The following THSD7B variants were observed in gnomAD, a reference collection of about 807,000 sequenced individuals.
THSD7B encodes thrombospondin type 1 domain containing 7B.
THSD7B carries 138 observed loss-of-function variants against 213.6 expected under a neutral mutation model. The observed-to-expected ratio is 0.65, with a 90% CI of 0.56 to 0.74. The LOEUF (loss-of-function observed/expected upper bound fraction) is 0.74. Ranked by LOEUF, THSD7B falls within the 30% of genes least tolerant of loss-of-function variation. The pLI, the probability that THSD7B is intolerant of heterozygous loss-of-function variation, is 0.00. For missense variants in THSD7B, 1,931 were observed against 1,991.5 expected (o/e 0.97, Z 0.58); for synonymous variants, 742 against 687.0 (o/e 1.08, Z -1.25).
chr2:137,246,005 G>T (rs1682023674), intron 10 of THSD7B, among the ~76,000 whole-genome samples: 1 of 152,156 alleles, frequency 6.6e-6, no homozygotes, highest in South Asian at 2.1e-4. Flanking sequence ...TCTATGCGGG[G>T]TTGGGTTCAT....
chr2:136,863,371 T>A (rs1652433), intron 1 of THSD7B, among the ~76,000 whole-genome samples: 120,771 of 152,188 alleles, frequency 0.79, 48,215 homozygotes, highest in Middle Eastern at 0.94. Context: ...GAGCAGAACC[T>A]TGAGATTCTG....
chr2:136,968,900 A>G (rs1326748990), intron 2 of THSD7B, among the ~76,000 whole-genome samples: 5 of 152,148 alleles, frequency 3.3e-5, no homozygotes, highest in African/African-American at 1.2e-4. Context: ...GCATATAAAA[A>G]TTATGCAGCA....
At chr2:137,152,315 A>G (rs1034858092) in intron 5 of THSD7B, among the ~76,000 whole-genome samples, 3 of 152,080 alleles carry the variant, frequency 2.0e-5, no homozygotes, top group Non-Finnish European at 2.9e-5. Flanking sequence ...CTCATTTCAC[A>G]TATTTTTTGG....
At chr2:137,246,558 A>T (rs1019832368) in intron 10 of THSD7B, among the ~76,000 whole-genome samples, 5 of 152,184 alleles carry the variant, frequency 3.3e-5, no homozygotes, top group Non-Finnish European at 7.3e-5. Flanking sequence ...ACCTTAAAAC[A>T]TAAAGGTATT....
chr2:137,379,761 C>G (rs56379602), intron 12 of THSD7B, among the ~76,000 whole-genome samples: 13,988 of 152,150 alleles, frequency 0.092, 784 homozygotes, highest in Non-Finnish European at 0.12. Context: ...GGAGTTTGAT[C>G]CTCTAATGAG....
intron 15 of THSD7B, among the ~76,000 whole-genome samples, chr2:137,490,520 TAGC>T (rs1688581133): frequency 6.6e-6 from 1 of 152,184 alleles, no homozygotes. Context: ...ATTTCCCATA[TAGC>T]CTCAGCCCCT....
intron 1 of THSD7B, among the ~76,000 whole-genome samples, chr2:136,851,932 A>ACT (rs1156806588): frequency 6.1e-5 from 1 of 16,460 alleles, no homozygotes; most frequent in Non-Finnish European, 2.3e-4. Context: ...TCAATACACA[A>ACT]CTATATATAT....
At chr2:136,914,110 C>T (rs534481656) in intron 2 of THSD7B, among the ~76,000 whole-genome samples, 9 of 152,298 alleles carry the variant, frequency 5.9e-5, no homozygotes, top group East Asian at 1.9e-4. Flanking sequence ...CTTGCATCAG[C>T]GTAACCTGGA....
chr2:137,043,974 C>T (rs1346518741), intron 2 of THSD7B, among the ~76,000 whole-genome samples: 1 of 152,184 alleles, frequency 6.6e-6, no homozygotes, highest in Non-Finnish European at 1.5e-5. Flanking sequence ...CCCTTCAGAA[C>T]AATAATCTCA....
chr2:136,788,501 A>G (rs1195273182), intron 1 of THSD7B, among the ~76,000 whole-genome samples: 1 of 152,212 alleles, frequency 6.6e-6, no homozygotes, highest in African/African-American at 2.4e-5. Flanking sequence ...TAAATGTCAG[A>G]TGATGTATGT....
At chr2:137,378,129 TG>T (rs1244733339) in intron 12 of THSD7B, among the ~76,000 whole-genome samples, 5 of 152,162 alleles carry the variant, frequency 3.3e-5, no homozygotes, top group Non-Finnish European at 7.3e-5. Context: ...AGAGGATCAC[TG>T]ATCTATTAAA....
intron 2 of THSD7B, among the ~76,000 whole-genome samples, chr2:136,923,925 C>T (rs186581036): frequency 6.6e-6 from 1 of 152,242 alleles, no homozygotes; most frequent in African/African-American, 2.4e-5. Context: ...CTGTTGATTG[C>T]ATCCTTTGAA....
At chr2:137,572,180 A>G (rs1043077878) in intron 16 of THSD7B, among the ~76,000 whole-genome samples, 1 of 152,168 alleles carries the variant, frequency 6.6e-6, no homozygotes, top group Non-Finnish European at 1.5e-5. Context: ...CATTGCCTCT[A>G]GTCTTTCCAT....
rs373333312 is a variant in THSD7B at position 136,870,555 on chromosome 2, A to T, written c.-35-11589A>T. Among the ~76,000 whole-genome samples, 16 of 152,368 alleles carry T rather than the reference A, an allele frequency of 1.1e-4. No individual in the cohort carries two copies. In the East Asian group the frequency reaches 3.1e-3, roughly 29 times the overall value. On this transcript the variant is annotated intron_variant, in intron 1 of 27. Transcript: ENST00000409968. ...CTGTTGTAAGTGTTACCAACAAACA[A>T]CAAACTAAACATCTAGGGACAGAGT...
chr2:137,284,393 A>G (rs1486581326), intron 12 of THSD7B, among the ~76,000 whole-genome samples: 4 of 151,732 alleles, frequency 2.6e-5, no homozygotes, highest in Admixed American at 1.3e-4. Context: ...TTGTGTCTCT[A>G]TTTCCTTCAG....
chr2:137,170,751 G>A lies in THSD7B; in HGVS notation c.1536G>A (p.Thr512=), dbSNP rs867645142. 36 of 1,611,334 alleles carry A rather than the reference G, an allele frequency of 2.2e-5. 1 individual carries two copies. The highest frequency in any genetic ancestry group is 2.5e-5 in the Non-Finnish European group (30 of 1,178,360). ...HDPQGKKGFR[T]RQRHVLMEST... ...TCTCTCTCTTTTTAGGATTTAGAAC[G>A]AGGCAGCGCCATGTCCTCATGGAAT... The change falls in exon 7 of 28, where the codon ACG becomes ACA. Residue 512 remains threonine, a synonymous_variant. Transcript: ENST00000409968.
At chr2:136,904,991 A>G (rs1401182437) in intron 2 of THSD7B, among the ~76,000 whole-genome samples, 4 of 151,846 alleles carry the variant, frequency 2.6e-5, no homozygotes, top group African/African-American at 9.7e-5. Context: ...AGGGGAAGTG[A>G]CTCTTTCATC....
In THSD7B at chr2:137,651,751, A is replaced by T. The variant is rs918552454; in HGVS notation, c.3946-3750A>T. On this transcript the variant is annotated intron_variant, in intron 21 of 27. Coordinates refer to ENST00000409968, the MANE Select transcript of THSD7B (RefSeq NM_001316349.2). ...TGTATCTCATAGATTTTGGTTTGTT[A>T]TATCTCCATTTTCATTGTTTTAAGA... Among the ~76,000 whole-genome samples, 10 of 151,760 alleles carry T rather than the reference A, an allele frequency of 6.6e-5. No individual in the cohort carries two copies. In the East Asian group the frequency reaches 1.9e-3, roughly 29 times the overall value.
chr2:137,041,082 T>C (rs1424802713), intron 2 of THSD7B, among the ~76,000 whole-genome samples: 1 of 152,220 alleles, frequency 6.6e-6, no homozygotes, highest in Non-Finnish European at 1.5e-5. Context: ...AACAAGGATA[T>C]AACAGGGTAC....
Sources: gnomAD v4.1 joint callset for allele counts (sites outside exome capture counted in the v4.1 genomes callset) on GRCh38, gnomAD v4.1.1 for gene constraint, MANE v1.5 for transcripts, NCBI Gene and HGNC (gene_info 2026-07-23, HGNC 2026-07-21) for gene names.